Variants in ZNF843 observed in about 807,000 individuals in gnomAD.
The protein encoded by ZNF843 is zinc finger protein 843.
For missense variants in ZNF843, 482 were observed against 469.4 expected, an observed-to-expected ratio of 1.03 and a Z score of -0.25; for synonymous variants, 185 against 207.7, an observed-to-expected ratio of 0.89 and a Z score of 0.94.
chr16:31,437,868 C>T (rs1597180889), intron 1 of ZNF843, among the ~76,000 whole-genome samples: 1 of 151,792 alleles, frequency 6.6e-6, no homozygotes, highest in Non-Finnish European at 1.5e-5. Flanking sequence ...CCTCATGATC[C>T]ACCCACCTTA....
In ZNF843 at chr16:31,436,453, G is replaced by A. The variant is rs1427051603; in HGVS notation, c.397C>T (p.Arg133Trp). ...CTCCTGTGTGAATTCGCTGGTGGCC[G>A]ATCAGCTTCCACCGGTCCCCAAAAA... ...AGFWGPVEAD[R>W]PPANSHRRVC... The change falls in exon 2 of 2, where the codon CGG (arginine) becomes TGG (tryptophan). Residue 133 changes from arginine (R) to tryptophan (W), a missense_variant. Physicochemically the swap from Arg to Trp is moderately radical, Grantham distance 101. Transcript: ENST00000315678. The A allele has an allele frequency of 6.4e-7, 1 of 1,551,550 alleles. No homozygotes were observed. The highest frequency in any genetic ancestry group is 1.4e-5 in the African/African-American group (1 of 73,054).
At chr16:31,438,278 C>T (rs1395059274) in intron 1 of ZNF843, among the ~76,000 whole-genome samples, 2 of 152,158 alleles carry the variant, frequency 1.3e-5, no homozygotes, top group Non-Finnish European at 1.5e-5. Context: ...AGAAGGGGGC[C>T]CCTCAGGCCA....
At chr16:31,439,063 A>G (rs923803307) in intron 1 of ZNF843, among the ~76,000 whole-genome samples, 6 of 151,956 alleles carry the variant, frequency 3.9e-5, no homozygotes, top group Admixed American at 3.9e-4. Flanking sequence ...TGACGAGTTA[A>G]TGGGTGCAGC....
In ZNF843 at chr16:31,435,722, G is replaced by A; in HGVS notation, c.*81C>T. 1 of 1,348,524 alleles carries A rather than the reference G, an allele frequency of 7.4e-7. No homozygotes were observed. The allele number at this position is 1,348,524 out of a possible 1,614,324, so 83.5% of individuals were successfully genotyped here. A position where few individuals can be genotyped will look rare whatever the true frequency, so the allele number is the denominator to read the frequency against. Reference sequence around the variant, plus strand: ...AAAGCCGTCCTGAGCGGGTCTGTGTGGAGGGAGGGGACTGCATCTCAGATC... The same window carrying A: ...AAAGCCGTCCTGAGCGGGTCTGTGTAGAGGGAGGGGACTGCATCTCAGATC... On this transcript the variant is annotated 3_prime_UTR_variant, in exon 2 of 2. Transcript: ENST00000315678.
At chr16:31,438,241 A>ATT (rs1270931944) in intron 1 of ZNF843, among the ~76,000 whole-genome samples, 1 of 152,218 alleles carries the variant, frequency 6.6e-6, no homozygotes, top group Non-Finnish European at 1.5e-5. Context: ...GAAAGACATT[A>ATT]TTGCTTTATT....
At chr16:31,438,169 A>C (rs1023593643) in intron 1 of ZNF843, among the ~76,000 whole-genome samples, 4 of 152,160 alleles carry the variant, frequency 2.6e-5, no homozygotes, top group African/African-American at 9.7e-5. Flanking sequence ...AAGCGTGGTA[A>C]GGATCATTTC....
At chr16:31,441,082 C>T (rs1473011802) in intron 1 of ZNF843, among the ~76,000 whole-genome samples, 1 of 152,210 alleles carries the variant, frequency 6.6e-6, no homozygotes, top group Non-Finnish European at 1.5e-5. Flanking sequence ...AATGGATGAT[C>T]TGACACAAGG....
chr16:31,438,335 T>A (rs1195836308), intron 1 of ZNF843, among the ~76,000 whole-genome samples: 2 of 152,344 alleles, frequency 1.3e-5, no homozygotes, highest in South Asian at 2.1e-4. Context: ...AACTCTTTTT[T>A]AAAAAGGGTA....
rs1404059861 is a variant in ZNF843 at position 31,442,786 on chromosome 16, A to G, written c.-486T>C. On this transcript the variant is annotated 5_prime_UTR_variant, in exon 1 of 2. Coordinates refer to ENST00000315678, the MANE Select transcript of ZNF843 (RefSeq NM_001136509.3). ...GCTCCGGGAAGGGGACGTGGCGAGG[A>G]CCCGGCAGCCGCGGGGCCTGTGGGG... 6.6e-6 allele frequency: 1 copy of G among 151,954 alleles called. No individual in the cohort carries two copies. Among genetic ancestry groups the G allele is most frequent in the Non-Finnish European group, 1.5e-5 (1 of 67,998 alleles). 9.4% of individuals were successfully genotyped at this position (151,954 alleles called of 1,614,324 possible). A position where few individuals can be genotyped will look rare whatever the true frequency, so the allele number is the denominator to read the frequency against.
intron 1 of ZNF843, among the ~76,000 whole-genome samples, chr16:31,439,289 A>G (rs918741813): frequency 6.6e-6 from 1 of 152,194 alleles, no homozygotes; most frequent in Non-Finnish European, 1.5e-5. Context: ...AGTCTCACAC[A>G]TTGCTGGGGA....
chr16:31,436,553 G>T lies in ZNF843; in HGVS notation c.297C>A (p.Ser99Arg), dbSNP rs1467006395. 6.5e-7 allele frequency: 1 copy of T among 1,550,200 alleles called. No individual in the cohort carries two copies. The highest frequency in any genetic ancestry group is 8.7e-7 in the Non-Finnish European group (1 of 1,145,934). Residue 99 changes from serine (S) to arginine (R), a missense_variant, in exon 2 of 2, where the codon AGC (serine) becomes AGA (arginine). Coordinates refer to ENST00000315678, the MANE Select transcript of ZNF843 (RefSeq NM_001136509.3). The part of the protein sequence containing the change: ...HSSAGVRQGF[S>R]GQLCCWLTKE... ...TGGTGAGCCAGCAGCAGAGCTGGCC[G>T]CTAAACCCTTGCCGCACTCCCGCAG... is the stretch of plus-strand genomic sequence containing the variant.
At position 31,436,317 on chromosome 16, in the gene ZNF843, A is replaced by G; in HGVS notation, c.533T>C (p.Val178Ala). Residue 178 changes from valine (V) to alanine (A), a missense_variant, in exon 2 of 2, where the codon GTG becomes GCG. By Grantham distance (64) the Val-to-Ala change is moderately conservative (BLOSUM62 0). Transcript: ENST00000315678. ...GCTGGGTGCGAGGCTGACGCTCTCC[A>G]CGCTCCCACCCCTGCAGGTCTTCTC... is the stretch of plus-strand genomic sequence containing the variant. ...PGEKTCRGGS[V>A]ESVSLAPSSV... 1 of 1,547,546 alleles carries G rather than the reference A, an allele frequency of 6.5e-7. No homozygotes were observed. Among genetic ancestry groups the G allele is most frequent in the Non-Finnish European group, 8.7e-7 (1 of 1,144,406 alleles).
chr16:31,439,698 G>A (rs1021954602), intron 1 of ZNF843, among the ~76,000 whole-genome samples: 1 of 152,174 alleles, frequency 6.6e-6, no homozygotes, highest in Non-Finnish European at 1.5e-5. Context: ...TTACTCATAG[G>A]GGCAGAAAGT....
At position 31,436,745 on chromosome 16, in the gene ZNF843, G is replaced by C. The variant is rs1004723721; in HGVS notation, c.105C>G (p.Cys35Trp). The C allele has an allele frequency of 6.4e-7, 1 of 1,551,786 alleles. No individual in the cohort carries two copies. The highest frequency in any genetic ancestry group is 1.2e-5 in the South Asian group (1 of 84,062). ...RFTQGRQPCK[C>W]KACGRGFTQS... The stretch of plus-strand genomic sequence containing the variant: ...GAGTAAAACCCCTCCCGCAGGCCTT[G>C]CACTTGCAGGGCTGACGGCCCTGGG... Residue 35 changes from cysteine to tryptophan, a missense_variant, in exon 2 of 2, where the codon TGC (cysteine) becomes TGG (tryptophan). Transcript: ENST00000315678.
Position 31,435,642 on chromosome 16 carries a change from A to C in ZNF843, c.*161T>G, listed in dbSNP as rs770116806. 1.5e-6 allele frequency: 1 copy of C among 674,432 alleles called. No individual in the cohort carries two copies. The highest frequency in any genetic ancestry group is 3.7e-5 in the South Asian group (1 of 27,146). The allele number at this position is 674,432 out of a possible 1,614,324, so 41.8% of individuals were successfully genotyped here. On this transcript the variant is annotated 3_prime_UTR_variant, in exon 2 of 2. Transcript: ENST00000315678. The stretch of plus-strand genomic sequence containing the variant: ...AGGGAAAGGAGCGAGAATTCAGGGG[A>C]AAAAAAACAAACAAAATAGCCCCCA...
At chr16:31,440,072 C>T (rs2082196094) in intron 1 of ZNF843, among the ~76,000 whole-genome samples, 1 of 152,140 alleles carries the variant, frequency 6.6e-6, no homozygotes, top group Non-Finnish European at 1.5e-5. Context: ...AGAGTTTCCA[C>T]ATATTGGTTA....
intron 1 of ZNF843, among the ~76,000 whole-genome samples, chr16:31,440,707 C>T (rs188546822): frequency 1.2e-3 from 178 of 152,262 alleles, no homozygotes; most frequent in Admixed American, 4.1e-3. Flanking sequence ...CCTCTGGCCT[C>T]GATAAAGCAG....
In ZNF843 at chr16:31,436,400, G is replaced by A. The variant is rs907913418; in HGVS notation, c.450C>T (p.Cys150=). The A allele has an allele frequency of 1.3e-6, 2 of 1,550,676 alleles. No homozygotes were observed. The highest frequency in any genetic ancestry group is 2.4e-5 in the East Asian group (1 of 40,896). Residue 150 remains cysteine, a synonymous_variant, in exon 2 of 2, where the codon TGC becomes TGT. Transcript: ENST00000315678. ...AGGTCTTCTCATTGACACTGTCACC[G>A]CAGCTGCAGCAGCAGAAGGGACACA... ...RRVCPFCCCS[C]GDSVNEKTSL... is the part of the protein sequence containing the mutation.
chr16:31,437,734 C>T (rs1266832343), intron 1 of ZNF843, among the ~76,000 whole-genome samples: 1 of 150,964 alleles, frequency 6.6e-6, no homozygotes, highest in Non-Finnish European at 1.5e-5. Context: ...AAGCGATTCT[C>T]CTGCCTCAGC....
Sources: gnomAD v4.1 joint callset for allele counts (sites outside exome capture counted in the v4.1 genomes callset) on GRCh38, gnomAD v4.1.1 for gene constraint, MANE v1.5 for transcripts, NCBI Gene and HGNC (gene_info 2026-07-23, HGNC 2026-07-21) for gene names.